Variants in IGSF11 observed in about 807,000 individuals in gnomAD.
IGSF11 encodes the protein immunoglobulin superfamily member 11, also known as CXADR like 1.
A neutral mutation model predicts 41.0 loss-of-function variants in IGSF11; 22 were observed. The ratio of observed to expected loss-of-function variants is 0.54; its 90% CI spans 0.38 to 0.77. IGSF11 has a LOEUF of 0.77. Ranked by LOEUF, IGSF11 falls within the 30% of genes least tolerant of loss-of-function variation. The pLI is 0.00. For synonymous variants in IGSF11, 219 were observed against 201.3 expected, an observed-to-expected ratio of 1.09 and a Z score of -0.74; for missense variants, 444 against 530.8, an observed-to-expected ratio of 0.84 and a Z score of 1.61.
intron 1 of IGSF11, among the ~76,000 whole-genome samples, chr3:119,065,052 T>A (rs1371015597): frequency 6.6e-6 from 1 of 152,332 alleles, no homozygotes; most frequent in East Asian, 1.9e-4. Context: ...TTAATGTAAG[T>A]GTTGGTAGCT....
chr3:119,011,991 A>G (rs1706363835), intron 1 of IGSF11, among the ~76,000 whole-genome samples: 1 of 152,094 alleles, frequency 6.6e-6, no homozygotes, highest in Non-Finnish European at 1.5e-5. Flanking sequence ...ATATATAGGT[A>G]TATATTCTTT....
At chr3:118,985,463 GT>G (rs1454356934) in intron 1 of IGSF11, among the ~76,000 whole-genome samples, 1 of 152,162 alleles carries the variant, frequency 6.6e-6, no homozygotes, top group Non-Finnish European at 1.5e-5. Context: ...CAAAAGCTGT[GT>G]TTCTGGCCTT....
At chr3:119,138,714 C>A (rs2077597575) in intron 1 of IGSF11, among the ~76,000 whole-genome samples, 1 of 152,042 alleles carries the variant, frequency 6.6e-6, no homozygotes, top group Non-Finnish European at 1.5e-5. Context: ...CTGTCATTTG[C>A]AACAACCTGG....
chr3:118,930,106 A>G lies in IGSF11; in HGVS notation c.216+6T>C. The G allele has an allele frequency of 6.2e-7, 1 of 1,611,248 alleles. No individual in the cohort carries two copies. The highest frequency in any genetic ancestry group is 8.5e-7 in the Non-Finnish European group (1 of 1,178,540). Reference sequence around the variant, plus strand: ...TTAGAGGTAGCACAGGATGCAACAGAAATACCTGTTCAGGTTGGTTGGCAT... The same window carrying G: ...TTAGAGGTAGCACAGGATGCAACAGGAATACCTGTTCAGGTTGGTTGGCAT... On this transcript the variant is annotated splice_donor_region_variant and intron_variant, in intron 2 of 6. Transcript: ENST00000393775.
intron 1 of IGSF11, among the ~76,000 whole-genome samples, chr3:118,992,322 A>C (rs144154934): frequency 6.6e-6 from 1 of 152,342 alleles, no homozygotes; most frequent in African/African-American, 2.4e-5. Flanking sequence ...TATACTGATA[A>C]ATTTTATCCA....
intron 1 of IGSF11, among the ~76,000 whole-genome samples, chr3:118,998,233 T>A (rs1387470973): frequency 6.6e-6 from 1 of 152,210 alleles, no homozygotes; most frequent in Non-Finnish European, 1.5e-5. Context: ...GACAGCCTGG[T>A]AACTTTGTCA....
intron 1 of IGSF11, among the ~76,000 whole-genome samples, chr3:118,970,393 G>A (rs1029996472): frequency 6.6e-6 from 1 of 152,082 alleles, no homozygotes; most frequent in Non-Finnish European, 1.5e-5. Flanking sequence ...CCTGAACTAG[G>A]GGATCTTTGG....
chr3:118,952,983 T>TGA (rs1944680972), intron 1 of IGSF11, among the ~76,000 whole-genome samples: 2 of 152,206 alleles, frequency 1.3e-5, no homozygotes, highest in East Asian at 3.9e-4. Flanking sequence ...ATTTGTGAGA[T>TGA]TTTGGTGCAC....
intron 1 of IGSF11, among the ~76,000 whole-genome samples, chr3:119,110,802 T>C (rs1157556684): frequency 5.9e-5 from 9 of 151,814 alleles, no homozygotes; most frequent in Non-Finnish European, 1.3e-4. Context: ...ACAAAATCTC[T>C]CAGCATTTGC....
intron 4 of IGSF11, among the ~76,000 whole-genome samples, chr3:118,908,219 T>C (rs1343439463): frequency 6.6e-6 from 1 of 152,222 alleles, no homozygotes; most frequent in African/African-American, 2.4e-5. Flanking sequence ...TAAAGACTCT[T>C]GCTTTGAAAA....
At chr3:119,142,451 C>A (rs533368440) in intron 1 of IGSF11, among the ~76,000 whole-genome samples, 14 of 152,044 alleles carry the variant, frequency 9.2e-5, no homozygotes, top group African/African-American at 3.4e-4. Flanking sequence ...AAATAAACTG[C>A]TACTAAGGAA....
In IGSF11 at chr3:119,003,268, T is replaced by C. The variant is rs1427965976; in HGVS notation, c.52+31263A>G. On this transcript the variant is annotated intron_variant, in intron 1 of 6. Transcript: ENST00000393775. Reference sequence around the variant, plus strand: ...TGGGAGTTCACTCATGATTTGGCTCTCTGTTTGTCTGTTGTTGGTGTATAA... The same window carrying C: ...TGGGAGTTCACTCATGATTTGGCTCCCTGTTTGTCTGTTGTTGGTGTATAA... Among the ~76,000 whole-genome samples, 259 of 142,490 alleles carry C rather than the reference T, an allele frequency of 1.8e-3. 1 individual carries two copies. Among genetic ancestry groups the C allele is most frequent in the Non-Finnish European group, 2.3e-4 (15 of 66,552 alleles). The allele number at this position is 142,490 out of a possible 152,430, so 93.5% of individuals were successfully genotyped here. A position where few individuals can be genotyped will look rare whatever the true frequency, so the allele number is the denominator to read the frequency against.
At chr3:119,078,348 A>G (rs2076535144) in intron 1 of IGSF11, among the ~76,000 whole-genome samples, 1 of 152,158 alleles carries the variant, frequency 6.6e-6, no homozygotes, top group African/African-American at 2.4e-5. Context: ...CCAATACAGC[A>G]TGGTACTGGT....
chr3:119,004,982 C>T (rs969278069), intron 1 of IGSF11, among the ~76,000 whole-genome samples: 17 of 151,070 alleles, frequency 1.1e-4, no homozygotes, highest in Admixed American at 1.1e-3. Context: ...ATTAGGTGCG[C>T]TTGGTGCAGA....
chr3:119,045,063 C>A (rs6796284), intron 1 of IGSF11, among the ~76,000 whole-genome samples: 1 of 152,148 alleles, frequency 6.6e-6, no homozygotes, highest in Non-Finnish European at 1.5e-5. Flanking sequence ...AATACTAACA[C>A]TGAATGTAAA....
intron 1 of IGSF11, among the ~76,000 whole-genome samples, chr3:118,943,902 C>T (rs1327119029): frequency 6.6e-6 from 1 of 152,160 alleles, no homozygotes; most frequent in Non-Finnish European, 1.5e-5. Flanking sequence ...TTTAATGAAG[C>T]ATTCATATGA....
chr3:119,107,485 T>G (rs1301274166), upstream of IGSF11, among the ~76,000 whole-genome samples: 2 of 152,200 alleles, frequency 1.3e-5, no homozygotes, highest in South Asian at 2.1e-4. Flanking sequence ...TTCTGGATAT[T>G]AGCCCTTTGT....
rs1303132236 is a variant in IGSF11, at chr3:119,056,982, A to G, written c.49+48162T>C. Among the ~76,000 whole-genome samples, 4 of 152,320 alleles carry G rather than the reference A, an allele frequency of 2.6e-5. No homozygotes were observed. In the Middle Eastern group the frequency reaches 0.01, roughly 389 times the overall value. ...TTGATGGGATATATCTCAAAATAATAAGAGCTATCTATGACAAACCCACAG... is the reference window on the plus strand; with the variant it reads ...TTGATGGGATATATCTCAAAATAATGAGAGCTATCTATGACAAACCCACAG... On this transcript the variant is annotated intron_variant, in intron 1 of 6. Coordinates refer to the IGSF11 transcript ENST00000354673.
At chr3:119,107,056 A>G (rs993448412), upstream of IGSF11, among the ~76,000 whole-genome samples, 3 of 152,162 alleles carry the variant, frequency 2.0e-5, no homozygotes, top group Admixed American at 6.6e-5. Flanking sequence ...ATACGTGTGC[A>G]TGTGTCTTTA....
Sources: gnomAD v4.1 joint callset for allele counts (sites outside exome capture counted in the v4.1 genomes callset) on GRCh38, gnomAD v4.1.1 for gene constraint, MANE v1.5 for transcripts, NCBI Gene and HGNC (gene_info 2026-07-23, HGNC 2026-07-21) for gene names.